Variants in SLIT3 observed in about 807,000 individuals in gnomAD.
SLIT3 encodes the protein slit homolog 3 protein.
Under a neutral mutation model 184.0 loss-of-function variants are expected in SLIT3, and 68 were observed. That is an observed-to-expected ratio of 0.37 (90% confidence interval 0.30 to 0.45). The LOEUF is 0.45. SLIT3 is among the 20% of genes least tolerant of loss of function. The probability of loss-of-function intolerance (pLI) is 1.00; values close to 1 mark genes in which losing one functional copy is unlikely to be tolerated. For synonymous variants in SLIT3, 831 were observed against 828.6 expected, an observed-to-expected ratio of 1.00 and a Z score of -0.05; for missense variants, 1,707 against 2,026.0, an observed-to-expected ratio of 0.84 and a Z score of 3.02.
chr5:168,997,338 C>A (rs540424100), intron 4 of SLIT3, among the ~76,000 whole-genome samples: 3 of 152,268 alleles, frequency 2.0e-5, no homozygotes, highest in South Asian at 2.1e-4. Flanking sequence ...CCCATCCCCC[C>A]ACTTTAGAGG....
Position 168,878,778 on chromosome 5 carries a change from G to A in SLIT3, c.485+4487C>T, listed in dbSNP as rs543521851. Among the ~76,000 whole-genome samples, 3 of 148,636 alleles carry A rather than the reference G, an allele frequency of 2.0e-5. No homozygotes were observed. In the East Asian group the frequency reaches 6.0e-4, roughly 30 times the overall value. On this transcript the variant is annotated intron_variant, in intron 5 of 35. Coordinates refer to ENST00000519560, the MANE Select transcript of SLIT3 (RefSeq NM_003062.4). The stretch of plus-strand genomic sequence containing the variant: ...CTCCCAGGCGGGAGTGCAATGGTGC[G>A]ATCTTGGCTCACCGCAACCTCTGCC...
chr5:168,740,447 T>A (rs556107280), intron 20 of SLIT3, among the ~76,000 whole-genome samples: 2 of 152,308 alleles, frequency 1.3e-5, no homozygotes, highest in African/African-American at 4.8e-5. Context: ...TTTTTCTTGG[T>A]GAATTAAACT....
intron 3 of SLIT3, among the ~76,000 whole-genome samples, chr5:169,207,055 T>G (rs1415064677): frequency 6.6e-6 from 1 of 151,742 alleles, no homozygotes. Context: ...CTTTTTTTTT[T>G]TTTAATGCTT....
At chr5:169,001,073 C>T (rs905687396) in intron 4 of SLIT3, among the ~76,000 whole-genome samples, 12 of 152,198 alleles carry the variant, frequency 7.9e-5, no homozygotes, top group African/African-American at 2.9e-4. Context: ...GAAAAAGATG[C>T]TTTCTGCAAA....
intron 1 of SLIT3, among the ~76,000 whole-genome samples, chr5:169,262,700 G>A (rs182903830): frequency 2.6e-5 from 4 of 152,020 alleles, no homozygotes; most frequent in Non-Finnish European, 1.5e-5. Context: ...TAAGAAGGGG[G>A]TTCTCATTAC....
intron 28 of SLIT3, among the ~76,000 whole-genome samples, chr5:168,694,384 G>A (rs1761993047): frequency 1.3e-5 from 2 of 152,174 alleles, no homozygotes; most frequent in Non-Finnish European, 2.9e-5. Flanking sequence ...TTCTTTTCAT[G>A]GACCAGAAGC....
chr5:168,877,425 G>A (rs1759772989), intron 5 of SLIT3, among the ~76,000 whole-genome samples: 1 of 152,190 alleles, frequency 6.6e-6, no homozygotes, highest in African/African-American at 2.4e-5. Context: ...AGATAAGTGA[G>A]AGCACCCAGT....
chr5:168,870,326 T>G (rs1190018031), intron 5 of SLIT3, among the ~76,000 whole-genome samples: 2 of 152,200 alleles, frequency 1.3e-5, no homozygotes, highest in Non-Finnish European at 2.9e-5. Context: ...AGAAAGCCAG[T>G]TAAACTTTGC....
At chr5:168,772,634 G>T (rs1755595187) in intron 14 of SLIT3, 147 bp downstream of exon 14, 2 of 750,646 alleles carry the variant, frequency 2.7e-6, no homozygotes, top group Non-Finnish European at 4.4e-6. Context: ...TTTCTGCAGG[G>T]CTAACTGAAT....
At chr5:169,139,636 G>A (rs1761651958) in intron 4 of SLIT3, among the ~76,000 whole-genome samples, 1 of 152,168 alleles carries the variant, frequency 6.6e-6, no homozygotes, top group African/African-American at 2.4e-5. Flanking sequence ...ATGGGTATAA[G>A]GAACAGAATT....
intron 4 of SLIT3, among the ~76,000 whole-genome samples, chr5:168,927,934 T>C (rs898259528): frequency 3.3e-5 from 5 of 152,270 alleles, no homozygotes; most frequent in Non-Finnish European, 7.3e-5. Flanking sequence ...TCAGCTGCCC[T>C]AGCAGGATGG....
At chr5:168,666,925 A>G in intron 35 of SLIT3, 1 of 664,066 alleles carries the variant, frequency 1.5e-6, no homozygotes, top group East Asian at 2.9e-5. Context: ...AATGATGACA[A>G]AAGCAGGCTT....
At chr5:169,048,588 T>A (rs1328626164) in intron 4 of SLIT3, among the ~76,000 whole-genome samples, 1 of 152,194 alleles carries the variant, frequency 6.6e-6, no homozygotes, top group Non-Finnish European at 1.5e-5. Flanking sequence ...CTAGTTTGCC[T>A]TACAGACTTC....
At position 168,666,658 on chromosome 5, in the gene SLIT3, C is replaced by T. The variant is rs958742489; in HGVS notation, c.4368G>A (p.Glu1456=). The T allele has an allele frequency of 6.2e-7, 1 of 1,614,206 alleles. No individual in the cohort carries two copies. The highest frequency in any genetic ancestry group is 1.3e-5 in the African/African-American group (1 of 75,064). The part of the protein sequence containing the change: ...ENPCLGQVVR[E]VIRRQKGYAS... ...CATAACCTTTCTGGCGGCGGATCAC[C>T]TCTCGGACTACTTGTCCCAGGCACG... Residue 1456 remains glutamate (E), a synonymous_variant, in exon 36 of 36, where the codon GAG becomes GAA. Coordinates refer to ENST00000519560, the MANE Select transcript of SLIT3 (RefSeq NM_003062.4).
intron 20 of SLIT3, among the ~76,000 whole-genome samples, chr5:168,729,816 T>C (rs925201182): frequency 2.0e-5 from 3 of 151,798 alleles, no homozygotes; most frequent in South Asian, 4.2e-4. Context: ...AAACAAGGAA[T>C]TTATAAAACA....
intron 4 of SLIT3, among the ~76,000 whole-genome samples, chr5:168,941,170 G>A (rs976711267): frequency 6.6e-6 from 1 of 151,846 alleles, no homozygotes; most frequent in African/African-American, 2.4e-5. Flanking sequence ...CACTTTTTGG[G>A]GGGCTTCCAC....
chr5:169,283,256 A>G (rs1767047682), intron 1 of SLIT3, among the ~76,000 whole-genome samples: 1 of 152,218 alleles, frequency 6.6e-6, no homozygotes, highest in Admixed American at 6.5e-5. Context: ...ACTTGAGTGA[A>G]AGGGAATTCT....
At chr5:169,153,346 T>G (rs1346340234) in intron 4 of SLIT3, among the ~76,000 whole-genome samples, 1 of 150,516 alleles carries the variant, frequency 6.6e-6, no homozygotes, top group South Asian at 2.1e-4. Context: ...ACAACTGCCA[T>G]GTGCACTCTT....
intron 2 of SLIT3, among the ~76,000 whole-genome samples, chr5:169,245,811 C>T (rs998863459): frequency 6.6e-6 from 1 of 152,162 alleles, no homozygotes; most frequent in African/African-American, 2.4e-5. Context: ...TGTTTCATAA[C>T]CTCCTGCACT....
Sources: allele counts gnomAD v4.1 joint callset (sites outside exome capture counted in the v4.1 genomes callset), GRCh38; gene constraint gnomAD v4.1.1; transcripts MANE v1.5; gene names NCBI Gene and HGNC (gene_info 2026-07-23, HGNC 2026-07-21).